Variants in CRLF2 observed in about 807,000 individuals in gnomAD.
The protein encoded by CRLF2 is cytokine receptor-like factor 2.
In CRLF2, 41 loss-of-function variants were observed where a neutral mutation model predicts 38.7. The observed-to-expected ratio is 1.06, with a 90% CI of 0.83 to 1.37. The LOEUF (loss-of-function observed/expected upper bound fraction) is 1.37. Ranked by LOEUF, CRLF2 falls within the 40% of genes most tolerant of loss-of-function variation. The pLI is 0.00. For synonymous variants in CRLF2, 140 were observed against 128.8 expected, an observed-to-expected ratio of 1.09 and a Z score of -0.59; for missense variants, 377 against 322.2, an observed-to-expected ratio of 1.17 and a Z score of -1.30.
intron 7 of CRLF2, among the ~76,000 whole-genome samples, 186 bp from the exon 8 acceptor site, chrX:1,191,346 C>CTTTCCTTTCT (rs1491422134): frequency 2.2e-5 from 1 of 44,704 alleles, no homozygotes; most frequent in African/African-American, 9.2e-5. Flanking sequence ...TCTTTCTTTC[C>CTTTCCTTTCT]TTCTTTCTTT....
chrX:1,208,575 A>G (rs375627703), intron 2 of CRLF2, among the ~76,000 whole-genome samples: 1 of 152,216 alleles, frequency 6.6e-6, no homozygotes. Context: ...AAACAAACAA[A>G]AAAAAGAATG....
At chrX:1,195,753 A>C (rs1225661890) in intron 6 of CRLF2, among the ~76,000 whole-genome samples, 1 of 132,722 alleles carries the variant, frequency 7.5e-6, no homozygotes, top group African/African-American at 2.6e-5. Context: ...AAATATATAT[A>C]TATTTTTATA....
chrX:1,192,726 T>G (rs2147819781), intron 7 of CRLF2, among the ~76,000 whole-genome samples: 1 of 95,474 alleles, frequency 1.0e-5, no homozygotes, highest in Non-Finnish European at 2.1e-5. Context: ...CTTTCTTTCT[T>G]TCTTTCTTTC....
At chrX:1,192,352 G>A (rs1333694680) in intron 7 of CRLF2, among the ~76,000 whole-genome samples, 36 of 150,862 alleles carry the variant, frequency 2.4e-4, no homozygotes, top group South Asian at 1.3e-3. Context: ...AACCAGGCGC[G>A]GTGGCTCACG....
intron 3 of CRLF2, among the ~76,000 whole-genome samples, chrX:1,204,951 C>G (rs1414221639): frequency 6.6e-6 from 1 of 152,228 alleles, no homozygotes; most frequent in African/African-American, 2.4e-5. Flanking sequence ...TCCCGAACAG[C>G]TAGGATTACA....
In CRLF2 at chrX:1,198,026, C is replaced by G. The variant is rs748959898; in HGVS notation, c.646+536G>C. ...AAAAACAAAAGAAAGAAAACTCTCC[C>G]AAGTGAAAGCAGCCCGAGAATGAAA... On this transcript the variant is annotated intron_variant, in intron 5 of 7. Transcript: ENST00000400841. Among the ~76,000 whole-genome samples the G allele has an allele frequency of 1.3e-4, 20 of 152,008 alleles. No homozygotes were observed. In the South Asian group the frequency reaches 4.2e-3, roughly 32 times the overall value.
chrX:1,209,339 G>GTGTAGTGTAGTGTAGTGTAT (rs1449179382), intron 1 of CRLF2, among the ~76,000 whole-genome samples: 4 of 134,130 alleles, frequency 3.0e-5, no homozygotes, highest in African/African-American at 8.9e-5. Context: ...GTGTAGTGTA[G>GTGTAGTGTAGTGTAGTGTAT]TGTATTGTGT....
Position 1,196,822 on chromosome X carries a change from A to G in CRLF2, c.725T>C (p.Leu242Pro), listed in dbSNP as rs746862977. Reference protein sequence around the residue: ...FILISSLAILLMVSLLLLSLW... With the variant: ...FILISSLAILPMVSLLLLSLW... ...AGACAGAAGGAGGAGAGACACCATC[A>G]GAAGGATGGCCAGGCTGGAAATTAA... Residue 242 changes from leucine to proline, a missense_variant, in exon 6 of 8, where the codon CTG becomes CCG. Coordinates refer to ENST00000400841, the MANE Select transcript of CRLF2 (RefSeq NM_022148.4). 7 of 1,613,496 alleles carry G rather than the reference A, an allele frequency of 4.3e-6. No homozygotes were observed. In the South Asian group the frequency reaches 7.7e-5, roughly 18 times the overall value.
chrX:1,197,242 G>A (rs1195947047), intron 5 of CRLF2, among the ~76,000 whole-genome samples: 1 of 150,804 alleles, frequency 6.6e-6, no homozygotes, highest in South Asian at 2.1e-4. Context: ...ACAGGCATCC[G>A]CCACCACACC....
intron 5 of CRLF2, among the ~76,000 whole-genome samples, 185 bp downstream of exon 5, chrX:1,198,377 T>G (rs371230022): frequency 9.0e-5 from 7 of 77,512 alleles, no homozygotes; most frequent in African/African-American, 3.4e-4. Context: ...CCCGGGAAGA[T>G]AGGACACCCT....
intron 3 of CRLF2, among the ~76,000 whole-genome samples, chrX:1,204,071 G>A (rs1357000159): frequency 1.5e-5 from 2 of 130,608 alleles, no homozygotes; most frequent in African/African-American, 5.6e-5. Flanking sequence ...CTGGGCAACA[G>A]AGCAAGACCC....
chrX:1,212,418 GAAAAAAAAAA>G (rs369256719), intron 1 of CRLF2, 128 bp downstream of exon 1: 2 of 429,022 alleles, frequency 4.7e-6, no homozygotes, highest in Non-Finnish European at 4.0e-6. Flanking sequence ...CTTGAACCCG[GAAAAAAAAAA>G]AAAAAAAAAA....
chrX:1,195,355 C>A (rs1472804513), intron 6 of CRLF2, among the ~76,000 whole-genome samples: 1 of 152,020 alleles, frequency 6.6e-6, no homozygotes, highest in African/African-American at 2.4e-5. Context: ...AATATTAGAT[C>A]TTGGACCATT....
Position 1,198,709 on chromosome X carries a change from T to C in CRLF2, c.499A>G (p.Thr167Ala). The change falls in exon 5 of 8, where the codon ACC (threonine) becomes GCC (alanine). Residue 167 changes from threonine to alanine, a missense_variant. Transcript: ENST00000400841. ...AAGCCTTCTATGGTGACGTTGCAGG[T>C]ATTTTCCTGTTTGGACTGGAGAAAC... ...DTEWQSKQEN[T>A]CNVTIEGLDA... 6.2e-7 allele frequency: 1 copy of C among 1,611,520 alleles called. No individual in the cohort carries two copies. The highest frequency in any genetic ancestry group is 8.5e-7 in the Non-Finnish European group (1 of 1,179,102).
Position 1,190,840 on chromosome X carries a change from CT to C in CRLF2, c.*56del, listed in dbSNP as rs2086361444. ...GGTGTGGAGTCCCCGGGACAGTCCC[CT>C]CTGTCTTTAAATGTCAACGTGGATC... On this transcript the variant is annotated 3_prime_UTR_variant, in exon 8 of 8. Transcript: ENST00000400841. The C allele has an allele frequency of 7.5e-6, 3 of 398,668 alleles. No homozygotes were observed. The South Asian group carries it at 3.8e-4, about 51-fold the overall frequency. 24.7% of individuals were successfully genotyped at this position (398,668 alleles called of 1,614,324 possible). A position where few individuals can be genotyped will look rare whatever the true frequency, so the allele number is the denominator to read the frequency against.
At chrX:1,199,893 ATG>A (rs1319949848) in intron 4 of CRLF2, among the ~76,000 whole-genome samples, 2 of 139,140 alleles carry the variant, frequency 1.4e-5, no homozygotes, top group East Asian at 2.3e-4. Flanking sequence ...ATGTATCTAT[ATG>A]TGTGTGTATA....
chrX:1,205,567 G>A (rs1298028893), intron 3 of CRLF2, among the ~76,000 whole-genome samples: 18 of 152,082 alleles, frequency 1.2e-4, no homozygotes, highest in Non-Finnish European at 1.3e-4. Flanking sequence ...AGGAAATACT[G>A]AAAAGCATGT....
At position 1,212,112 on chromosome X, in the gene CRLF2, G is replaced by T. The variant is rs147793220; in HGVS notation, c.79+444C>A. ...TGAATCGTTTGATAGATGGGTGGAT[G>T]GATATATTAGTGGATGGATCAATGA... On this transcript the variant is annotated intron_variant, in intron 1 of 7. Transcript: ENST00000400841. 9.1e-3 allele frequency among the ~76,000 whole-genome samples: 1,383 copies of T among 152,014 alleles called. 32 individuals carry two copies. The highest frequency in any genetic ancestry group is 0.031 in the African/African-American group (1,300 of 41,462).
chrX:1,192,716 CTTTCTTTCTTTCT>C, intron 7 of CRLF2, among the ~76,000 whole-genome samples: 1 of 32,706 alleles, frequency 3.1e-5, no homozygotes, highest in South Asian at 1.1e-3. Context: ...TCTTTTCTTT[CTTTCTTTCTTTCT>C]TTCTTTCTTT....
Sources: gnomAD v4.1 joint callset for allele counts (sites outside exome capture counted in the v4.1 genomes callset) on GRCh38, gnomAD v4.1.1 for gene constraint, MANE v1.5 for transcripts, NCBI Gene and HGNC (gene_info 2026-07-23, HGNC 2026-07-21) for gene names.